TBCK: variants seen among roughly 807,000 people sequenced by gnomAD.
The protein encoded by TBCK is TBC domain-containing protein kinase-like protein.
TBCK carries 99 observed loss-of-function variants against 113.4 expected under a neutral mutation model. The observed-to-expected ratio is 0.87, with a 90% CI of 0.74 to 1.03. The LOEUF is 1.03. Among genes scored for constraint, TBCK ranks in the 50% least tolerant of loss-of-function variants. The pLI, the probability that TBCK is intolerant of heterozygous loss-of-function variation, is 0.00. For missense variants in TBCK, 1,045 were observed against 1,061.3 expected, an observed-to-expected ratio of 0.98 and a Z score of 0.21; for synonymous variants, 369 against 370.8, an observed-to-expected ratio of 1.00 and a Z score of 0.05.
chr4:106,084,757 C>T (rs1265476777), intron 25 of TBCK, among the ~76,000 whole-genome samples: 1 of 152,200 alleles, frequency 6.6e-6, no homozygotes, highest in East Asian at 1.9e-4. Flanking sequence ...AGAAACTCTA[C>T]AAGCCAGAAG....
chr4:106,082,355 A>G lies in TBCK; in HGVS notation c.2571+13127T>C, dbSNP rs191321094. ...GCAGGAACAGAAAACCAAACGCTACATGTTGTCACTTATAAGTGGGAGCTA... is the reference window on the plus strand; with the variant it reads ...GCAGGAACAGAAAACCAAACGCTACGTGTTGTCACTTATAAGTGGGAGCTA... On this transcript the variant is annotated intron_variant, in intron 25 of 25. Coordinates refer to ENST00000394708, the MANE Select transcript of TBCK (RefSeq NM_001163435.3). Among the ~76,000 whole-genome samples the G allele has an allele frequency of 8.3e-4, 127 of 152,288 alleles. 1 individual carries two copies. Among genetic ancestry groups the G allele is most frequent in the East Asian group, 7.7e-4 (4 of 5,170 alleles).
At chr4:106,092,742 T>G (rs1560632887) in intron 25 of TBCK, among the ~76,000 whole-genome samples, 1 of 152,194 alleles carries the variant, frequency 6.6e-6, no homozygotes. Flanking sequence ...GCAAGCAATG[T>G]GCGCAGTCCC....
At chr4:106,120,184 C>G (rs779529538) in intron 23 of TBCK, among the ~76,000 whole-genome samples, 1 of 152,124 alleles carries the variant, frequency 6.6e-6, no homozygotes, top group African/African-American at 2.4e-5. Context: ...GTTCCCTTTC[C>G]GAGTCAAAGA....
intron 3 of TBCK, among the ~76,000 whole-genome samples, chr4:106,264,527 T>TA (rs1346134888): frequency 2.0e-5 from 3 of 152,008 alleles, no homozygotes; most frequent in Admixed American, 6.6e-5. Flanking sequence ...TAGGCCACTT[T>TA]AAGACCTTTG....
At chr4:106,135,935 T>C (rs951671126) in intron 23 of TBCK, among the ~76,000 whole-genome samples, 1 of 141,316 alleles carries the variant, frequency 7.1e-6, no homozygotes, top group Non-Finnish European at 1.6e-5. Context: ...CTTACAGATA[T>C]GTACTGCAGG....
chr4:106,070,203 A>G (rs1381447147), intron 25 of TBCK, among the ~76,000 whole-genome samples: 1 of 152,202 alleles, frequency 6.6e-6, no homozygotes, highest in Non-Finnish European at 1.5e-5. Flanking sequence ...GAGAGAGGGC[A>G]TCCCTGTCTT....
chr4:106,262,290 G>A (rs1762578716), intron 3 of TBCK, 78 bp from the exon 4 acceptor site: 5 of 697,294 alleles, frequency 7.2e-6, no homozygotes, highest in Non-Finnish European at 1.2e-5. Flanking sequence ...ATGTGACCTA[G>A]TGAAAATATT....
In TBCK at chr4:106,059,099, A is replaced by G. The variant is rs191648891; in HGVS notation, c.2572-12419T>C. 2.6e-5 allele frequency among the ~76,000 whole-genome samples: 4 copies of G among 151,884 alleles called. No homozygotes were observed. In the East Asian group the frequency reaches 7.8e-4, roughly 30 times the overall value. On this transcript the variant is annotated intron_variant, in intron 25 of 25. Coordinates refer to ENST00000394708, the MANE Select transcript of TBCK (RefSeq NM_001163435.3). ...AGGAAAGTGTAGGAACTTTGTAGACAGATAGCCCTGGGTCTGAATCACTAC... is the reference window on the plus strand; with the variant it reads ...AGGAAAGTGTAGGAACTTTGTAGACGGATAGCCCTGGGTCTGAATCACTAC...
intron 20 of TBCK, among the ~76,000 whole-genome samples, chr4:106,200,870 T>C (rs1754801632): frequency 6.6e-6 from 1 of 152,054 alleles, no homozygotes; most frequent in African/African-American, 2.4e-5. Flanking sequence ...AAGATCCAAA[T>C]AGTCATGAGA....
chr4:106,116,158 CA>C lies in TBCK; in HGVS notation c.2411+44del, dbSNP rs578076814. On this transcript the variant is annotated intron_variant, in intron 24 of 25. Coordinates refer to ENST00000394708, the MANE Select transcript of TBCK (RefSeq NM_001163435.3). ...AACACTTAAATGAAAGGATGCAATA[CA>C]AATAAGCAGTACCACCCTTTAAAAC... 1.2e-3 allele frequency: 1,854 copies of C among 1,549,124 alleles called. 8 individuals carry two copies. Among genetic ancestry groups the C allele is most frequent in the Non-Finnish European group, 7.2e-4 (824 of 1,137,364 alleles).
intron 5 of TBCK, among the ~76,000 whole-genome samples, chr4:106,254,180 C>T (rs996482215): frequency 1.3e-5 from 2 of 152,114 alleles, no homozygotes; most frequent in African/African-American, 4.8e-5. Context: ...GTCACACAGG[C>T]ACTCTCTGCC....
intron 25 of TBCK, among the ~76,000 whole-genome samples, chr4:106,060,411 C>T (rs1347523124): frequency 6.6e-6 from 1 of 151,696 alleles, no homozygotes; most frequent in African/African-American, 2.4e-5. Context: ...AAGAATTATG[C>T]CAAATCTACT....
intron 23 of TBCK, among the ~76,000 whole-genome samples, chr4:106,127,409 G>A (rs1745359723): frequency 6.6e-6 from 1 of 152,038 alleles, no homozygotes; most frequent in Non-Finnish European, 1.5e-5. Context: ...GCGTGCATGT[G>A]TCTGAGAGGG....
chr4:106,123,762 A>G (rs1276494251), intron 23 of TBCK, among the ~76,000 whole-genome samples: 1 of 151,654 alleles, frequency 6.6e-6, no homozygotes, highest in Non-Finnish European at 1.5e-5. Flanking sequence ...AGGATTCCCT[A>G]TTTAATAAAT....
rs1031859535 is a variant in TBCK at position 106,043,840 on chromosome 4, A to C, written c.*2730T>G. 1 of 151,938 alleles carries C rather than the reference A, an allele frequency of 6.6e-6. No homozygotes were observed. The highest frequency in any genetic ancestry group is 6.6e-5 in the Admixed American group (1 of 15,244). The allele number at this position is 151,938 out of a possible 1,614,324, so 9.4% of individuals were successfully genotyped here. On this transcript the variant is annotated 3_prime_UTR_variant, in exon 26 of 26. Transcript: ENST00000394708. ...ACAGTGCTGATAGTCATCGTGTAGG[A>C]ATCAATAATACATTAAAAAGGAACT...
At chr4:106,316,550 G>C (rs1252799095), upstream of TBCK, 4 of 1,551,636 alleles carry the variant, frequency 2.6e-6, no homozygotes, top group Non-Finnish European at 2.6e-6. Context: ...GGACCTACAT[G>C]CTTCCTGCTG....
chr4:106,095,017 A>G (rs2149517773), intron 25 of TBCK, among the ~76,000 whole-genome samples: 1 of 152,332 alleles, frequency 6.6e-6, no homozygotes, highest in East Asian at 1.9e-4. Context: ...TAGCCATGGA[A>G]GAAGGAAGCC....
intron 25 of TBCK, among the ~76,000 whole-genome samples, chr4:106,085,699 T>A (rs1209679782): frequency 6.6e-6 from 1 of 152,192 alleles, no homozygotes; most frequent in Admixed American, 6.5e-5. Context: ...AACCACATAA[T>A]TGGAAGTAAA....
intron 1 of TBCK, among the ~76,000 whole-genome samples, chr4:106,309,280 T>C (rs906767076): frequency 6.6e-6 from 1 of 151,538 alleles, no homozygotes; most frequent in Non-Finnish European, 1.5e-5. Context: ...TTACTGCATC[T>C]TCATATTATT....
Sources: gnomAD v4.1 joint callset for allele counts (sites outside exome capture counted in the v4.1 genomes callset) on GRCh38, gnomAD v4.1.1 for gene constraint, MANE v1.5 for transcripts, NCBI Gene and HGNC (gene_info 2026-07-23, HGNC 2026-07-21) for gene names.